SCNN1A: variants seen among roughly 807,000 people sequenced by gnomAD.
SCNN1A encodes sodium channel epithelial 1 subunit alpha.
Under a neutral mutation model 68.6 loss-of-function variants are expected in SCNN1A, and 65 were observed. The ratio of observed to expected loss-of-function variants is 0.95; its 90% CI spans 0.78 to 1.16. The LOEUF is 1.16. SCNN1A is among the 50% of genes most tolerant of loss of function. SCNN1A has a pLI of 0.00. For missense variants in SCNN1A, 880 were observed against 865.9 expected, an observed-to-expected ratio of 1.02 and a Z score of -0.20; for synonymous variants, 357 against 353.3, an observed-to-expected ratio of 1.01 and a Z score of -0.12.
chr12:6,347,511 T>G lies in SCNN1A; in HGVS notation c.*362A>C. On this transcript the variant is annotated 3_prime_UTR_variant, in exon 13 of 13. Coordinates refer to ENST00000228916, the MANE Select transcript of SCNN1A (RefSeq NM_001038.6). The stretch of plus-strand genomic sequence containing the variant: ...ACCCGTGCATGCCTGCGTGTACCCT[T>G]GGTTGTGTTTTGTCCTGGTTATCAG... 2 of 299,548 alleles carry G rather than the reference T, an allele frequency of 6.7e-6. No individual in the cohort carries two copies. The highest frequency in any genetic ancestry group is 4.0e-5 in the South Asian group (1 of 24,896). The allele number at this position is 299,548 out of a possible 1,614,324, so 18.6% of individuals were successfully genotyped here.
In SCNN1A at chr12:6,374,700, C is replaced by T. The variant is rs1948866008; in HGVS notation, c.84G>A (p.Glu28=). 2 of 1,614,124 alleles carry T rather than the reference C, an allele frequency of 1.2e-6. No individual in the cohort carries two copies. The highest frequency in any genetic ancestry group is 1.7e-6 in the Non-Finnish European group (2 of 1,180,020). Residue 28 remains glutamate (E), a synonymous_variant, in exon 2 of 13, where the codon GAG becomes GAA. Transcript: ENST00000228916. The surrounding 1 kb of genome is among the most constrained non-coding windows in gnomAD (Gnocchi z 6.2). ...PGLMKGNKRE[E]QGLGPEPAAP... is the part of the protein sequence containing the mutation. ...CCGCAGGTTCGGGGCCCAGCCCCTGCTCCTCACGCTTGTTCCCCTTCATGA... is the reference window on the plus strand; with the variant it reads ...CCGCAGGTTCGGGGCCCAGCCCCTGTTCCTCACGCTTGTTCCCCTTCATGA...
chr12:6,375,466 C>A, intron 1 of SCNN1A, 39 bp downstream of exon 1: 4 of 1,535,588 alleles, frequency 2.6e-6, no homozygotes, highest in South Asian at 1.2e-5. Flanking sequence ...TGGTTCCTTT[C>A]CAGTTGAATC....
chr12:6,374,911 T>G lies in SCNN1A; in HGVS notation c.-54-74A>C, dbSNP rs770704975. ...GCTGAGCTCTGGGCCCTGAGTGCCCTCTCCCATCACCCCTGGAACCCGAGT... is the reference window on the plus strand; with the variant it reads ...GCTGAGCTCTGGGCCCTGAGTGCCCGCTCCCATCACCCCTGGAACCCGAGT... On this transcript the variant is annotated intron_variant, in intron 1 of 12. Coordinates refer to ENST00000228916, the MANE Select transcript of SCNN1A (RefSeq NM_001038.6). The surrounding 1 kb of genome is among the most constrained non-coding windows in gnomAD (Gnocchi z 6.2). 18 of 1,609,414 alleles carry G rather than the reference T, an allele frequency of 1.1e-5. No homozygotes were observed. The highest frequency in any genetic ancestry group is 1.5e-5 in the Non-Finnish European group (18 of 1,177,766).
chr12:6,351,886 A>G lies in SCNN1A; in HGVS notation c.1361-2481T>C, dbSNP rs1948394397. On this transcript the variant is annotated intron_variant, in intron 8 of 12. Transcript: ENST00000228916. This position sits in a 1 kb window ranked among gnomAD's most constrained non-coding sequence, Gnocchi z 4.2. ...GTGATTCTCCCAGCTCAGCCTCCCAAGTGGCTGGGTCTGCAGGTGTGCACC... is the reference window on the plus strand; with the variant it reads ...GTGATTCTCCCAGCTCAGCCTCCCAGGTGGCTGGGTCTGCAGGTGTGCACC... Among the ~76,000 whole-genome samples, 1 of 152,014 alleles carries G rather than the reference A, an allele frequency of 6.6e-6. No individual in the cohort carries two copies. Among genetic ancestry groups the G allele is most frequent in the South Asian group, 2.1e-4 (1 of 4,814 alleles).
rs1367897845 is a variant in SCNN1A at position 6,375,427 on chromosome 12, C to T, written c.-55+78G>A. On this transcript the variant is annotated intron_variant, in intron 1 of 12. Coordinates refer to ENST00000228916, the MANE Select transcript of SCNN1A (RefSeq NM_001038.6). The stretch of plus-strand genomic sequence containing the variant: ...GGAGGTCTGGGCTGCCTCCAGCTTC[C>T]CACTCCCAGGTTGCGGCTGGACTGG... 3.9e-6 allele frequency: 6 copies of T among 1,531,364 alleles called. No homozygotes were observed. The African/African-American group carries it at 8.2e-5, about 21-fold the overall frequency. The allele number at this position is 1,531,364 out of a possible 1,614,324, so 94.9% of individuals were successfully genotyped here.
upstream of SCNN1A, chr12:6,375,745 T>C: frequency 7.1e-7 from 1 of 1,412,892 alleles, no homozygotes; most frequent in East Asian, 2.8e-5. Context: ...GCAAGGAGGC[T>C]GGGGGACAGG....
chr12:6,371,371 C>T (rs1353570743), intron 2 of SCNN1A, among the ~76,000 whole-genome samples: 3 of 152,002 alleles, frequency 2.0e-5, no homozygotes, highest in Non-Finnish European at 4.4e-5. Context: ...CTGCTCTGCC[C>T]GCTGGGCTCC....
At chr12:6,369,197 G>A (rs1246927427) in intron 2 of SCNN1A, among the ~76,000 whole-genome samples, 2 of 151,460 alleles carry the variant, frequency 1.3e-5, no homozygotes, top group Non-Finnish European at 2.9e-5. Context: ...CACTTCTCTG[G>A]CCACACTCCT....
At chr12:6,373,139 T>TTC (rs555581039) in intron 2 of SCNN1A, among the ~76,000 whole-genome samples, 5 of 152,062 alleles carry the variant, frequency 3.3e-5, no homozygotes, top group Admixed American at 3.3e-4. Flanking sequence ...GCTTTTTTTT[T>TTC]TCTCTCTCTC....
intron 4 of SCNN1A, among the ~76,000 whole-genome samples, chr12:6,361,773 T>A (rs1367821536): frequency 1.3e-5 from 2 of 151,828 alleles, no homozygotes; most frequent in Admixed American, 6.6e-5. Context: ...AAGACCAAGA[T>A]CCATGCTTCC....
At position 6,351,692 on chromosome 12, in the gene SCNN1A, G is replaced by T. The variant is rs753618701; in HGVS notation, c.1361-2287C>A. The stretch of plus-strand genomic sequence containing the variant: ...CATAGAGAGAGAAAGAAAGAATCGT[G>T]GTTGCCCAAGGGCTGGCAGTGGTGG... On this transcript the variant is annotated intron_variant, in intron 8 of 12. Coordinates refer to ENST00000228916, the MANE Select transcript of SCNN1A (RefSeq NM_001038.6). This position sits in a 1 kb window ranked among gnomAD's most constrained non-coding sequence, Gnocchi z 4.2. 1.6e-4 allele frequency among the ~76,000 whole-genome samples: 24 copies of T among 152,082 alleles called. No individual in the cohort carries two copies. The highest frequency in any genetic ancestry group is 4.6e-4 in the Admixed American group (7 of 15,254).
chr12:6,358,379 A>G (rs1948531697), intron 4 of SCNN1A, among the ~76,000 whole-genome samples: 1 of 152,204 alleles, frequency 6.6e-6, no homozygotes, highest in Admixed American at 6.5e-5. Flanking sequence ...TAGCTCCTCA[A>G]AATGTTAAAT....
At chr12:6,367,448 A>T (rs1043137440) in intron 2 of SCNN1A, among the ~76,000 whole-genome samples, 6 of 152,236 alleles carry the variant, frequency 3.9e-5, no homozygotes, top group African/African-American at 1.4e-4. Flanking sequence ...ACTCAGCAAT[A>T]AAAAGGAACT....
rs1466735791 is a variant in SCNN1A at position 6,355,800 on chromosome 12, G to A, written c.956C>T (p.Ser319Phe). 2 of 1,612,712 alleles carry A rather than the reference G, an allele frequency of 1.2e-6. No homozygotes were observed. The highest frequency in any genetic ancestry group is 1.7e-6 in the Non-Finnish European group (2 of 1,178,762). The change falls in exon 5 of 13, where the codon TCT becomes TTT. Residue 319 changes from serine to phenylalanine, a missense_variant. By Grantham distance (155) the Ser-to-Phe change is radical. Around this residue, in one of 3 missense-constraint regions of SCNN1A, gnomAD observed 758 missense variants for 721.8 expected, o/e 1.05. Coordinates refer to ENST00000228916, the MANE Select transcript of SCNN1A (RefSeq NM_001038.6). The part of the protein sequence containing the change: ...NDKNNSNLWM[S>F]SMPGINNGLS... ...ACCGTTGTTGATTCCAGGCATGGAAGACATCCAGAGGTTGGAGTTGTTCTT... is the reference window on the plus strand; with the variant it reads ...ACCGTTGTTGATTCCAGGCATGGAAAACATCCAGAGGTTGGAGTTGTTCTT...
At chr12:6,354,715 G>A (rs753944417) in intron 7 of SCNN1A, 35 bp downstream of exon 7, 1 of 1,571,004 alleles carries the variant, frequency 6.4e-7, no homozygotes, top group Admixed American at 1.7e-5. Context: ...GGCAGTGGCT[G>A]GGAGTGGCTG....
At chr12:6,369,273 G>T (rs143772326) in intron 2 of SCNN1A, among the ~76,000 whole-genome samples, 1 of 125,598 alleles carries the variant, frequency 8.0e-6, no homozygotes, top group East Asian at 2.2e-4. Context: ...CACCCTACAC[G>T]CCTCCCTCCT....
At chr12:6,356,532 G>A (rs1414484844) in intron 4 of SCNN1A, 1 of 164,470 alleles carries the variant, frequency 6.1e-6, no homozygotes, top group Non-Finnish European at 1.3e-5. Flanking sequence ...ACGGAGCTGA[G>A]GGGAGGAAGA....
chr12:6,360,787 C>G (rs1014094666), intron 4 of SCNN1A, among the ~76,000 whole-genome samples: 2 of 152,146 alleles, frequency 1.3e-5, no homozygotes, highest in Non-Finnish European at 1.5e-5. Context: ...GGGGACCCCC[C>G]CCTCGCCTCA....
chr12:6,354,510 C>T lies in SCNN1A; in HGVS notation c.1288G>A (p.Gly430Ser). 6.2e-7 allele frequency: 1 copy of T among 1,613,934 alleles called. No individual in the cohort carries two copies. Among genetic ancestry groups the T allele is most frequent in the Non-Finnish European group, 8.5e-7 (1 of 1,179,996 alleles). Reference sequence around the variant, plus strand: ...CGCGGATAGAAGATGTAGGCACAGCCACACTCCTTGATCATGCTCTCCTGG... The same window carrying T: ...CGCGGATAGAAGATGTAGGCACAGCTACACTCCTTGATCATGCTCTCCTGG... ...CFQESMIKEC[G>S]CAYIFYPRPQ... Residue 430 changes from glycine (G) to serine (S), a missense_variant, in exon 8 of 13, where the codon GGC (glycine) becomes AGC (serine). Physicochemically the swap from Gly to Ser is moderately conservative, Grantham distance 56. Coordinates refer to ENST00000228916, the MANE Select transcript of SCNN1A (RefSeq NM_001038.6).
Sources: allele counts gnomAD v4.1 joint callset (sites outside exome capture counted in the v4.1 genomes callset), GRCh38; gene constraint gnomAD v4.1.1; regional missense constraint gnomAD v4.1.1; non-coding constraint Gnocchi (gnomAD v3.1); transcripts MANE v1.5; gene names NCBI Gene and HGNC (gene_info 2026-07-23, HGNC 2026-07-21).